Variants in OXCT1 observed in about 807,000 individuals in gnomAD.
OXCT1 encodes succinyl-CoA:3-ketoacid coenzyme A transferase 1, mitochondrial.
Under a neutral mutation model 69.6 loss-of-function variants are expected in OXCT1, and 27 were observed. The ratio of observed to expected loss-of-function variants is 0.39; its 90% CI spans 0.29 to 0.54. OXCT1 has a LOEUF of 0.54. Among genes scored for constraint, OXCT1 ranks in the 20% least tolerant of loss-of-function variants. The probability of loss-of-function intolerance (pLI) is 0.72; values close to 1 mark genes in which losing one functional copy is unlikely to be tolerated. For missense variants in OXCT1, 437 were observed against 650.2 expected (o/e 0.67, Z 3.57); for synonymous variants, 202 against 217.8 (o/e 0.93, Z 0.64).
intron 7 of OXCT1, among the ~76,000 whole-genome samples, chr5:41,813,478 C>T (rs1265462028): frequency 6.6e-6 from 1 of 151,978 alleles, no homozygotes; most frequent in African/African-American, 2.4e-5. Context: ...GGAATTATTC[C>T]ACAGACATCT....
intron 9 of OXCT1, among the ~76,000 whole-genome samples, chr5:41,803,935 C>T (rs942588700): frequency 1.3e-5 from 2 of 152,054 alleles, no homozygotes; most frequent in African/African-American, 4.8e-5. Context: ...GGAACTACTG[C>T]CCACTACTGT....
intron 9 of OXCT1, among the ~76,000 whole-genome samples, chr5:41,803,758 C>T (rs960079151): frequency 3.3e-5 from 5 of 151,926 alleles, no homozygotes; most frequent in South Asian, 2.1e-4. Flanking sequence ...TTGAGCTCAT[C>T]GATAAAGGAG....
At chr5:41,869,288 C>T (rs1750160297) in intron 1 of OXCT1, among the ~76,000 whole-genome samples, 1 of 152,184 alleles carries the variant, frequency 6.6e-6, no homozygotes, top group African/African-American at 2.4e-5. Context: ...GGAGTAAGCA[C>T]CGTGTGCATG....
chr5:41,824,223 C>T (rs1178591908), intron 7 of OXCT1, among the ~76,000 whole-genome samples: 1 of 152,154 alleles, frequency 6.6e-6, no homozygotes, highest in Non-Finnish European at 1.5e-5. Context: ...ATAAAATATA[C>T]ACAATAAAAC....
At chr5:41,830,268 G>A (rs951060180) in intron 7 of OXCT1, among the ~76,000 whole-genome samples, 4 of 152,158 alleles carry the variant, frequency 2.6e-5, no homozygotes, top group African/African-American at 9.7e-5. Flanking sequence ...GTATTCTGCC[G>A]AAGGACTAAG....
At chr5:41,767,312 T>G (rs1744653221) in intron 13 of OXCT1, among the ~76,000 whole-genome samples, 1 of 152,118 alleles carries the variant, frequency 6.6e-6, no homozygotes, top group Non-Finnish European at 1.5e-5. Flanking sequence ...ATTGATTATG[T>G]AAACCAACTA....
Position 41,870,188 on chromosome 5 carries a change from A to G in OXCT1, c.78+93T>C, listed in dbSNP as rs1178786569. The G allele has an allele frequency of 6.2e-6, 6 of 970,862 alleles. No individual in the cohort carries two copies. The highest frequency in any genetic ancestry group is 8.2e-6 in the Non-Finnish European group (5 of 609,292). The allele number at this position is 970,862 out of a possible 1,614,324, so 60.1% of individuals were successfully genotyped here. Reference sequence around the variant, plus strand: ...GGATGCCAGATCCCAGGCTGGAGAGAGCGGGTAGGGGCAGAGAAGAAAACG... The same window carrying G: ...GGATGCCAGATCCCAGGCTGGAGAGGGCGGGTAGGGGCAGAGAAGAAAACG... On this transcript the variant is annotated intron_variant, in intron 1 of 16. Coordinates refer to ENST00000196371, the MANE Select transcript of OXCT1 (RefSeq NM_000436.4). The surrounding 1 kb of genome is among the most constrained non-coding windows in gnomAD (Gnocchi z 4.2).
chr5:41,793,450 T>C (rs1202391014), intron 13 of OXCT1, among the ~76,000 whole-genome samples: 2 of 152,234 alleles, frequency 1.3e-5, no homozygotes, highest in Non-Finnish European at 2.9e-5. Context: ...CTTCCTTGAT[T>C]TAGGTCACTA....
intron 16 of OXCT1, among the ~76,000 whole-genome samples, chr5:41,732,976 AG>A: frequency 6.6e-6 from 1 of 152,318 alleles, no homozygotes; most frequent in Non-Finnish European, 1.5e-5. Context: ...GTCTACTAAA[AG>A]AATAAATAAG....
At chr5:41,833,537 A>AG (rs1748201899) in intron 7 of OXCT1, among the ~76,000 whole-genome samples, 1 of 151,796 alleles carries the variant, frequency 6.6e-6, no homozygotes, top group Non-Finnish European at 1.5e-5. Flanking sequence ...AAAAAAAAAA[A>AG]AAGAATGTTA....
At chr5:41,828,174 C>A (rs138589200) in intron 7 of OXCT1, among the ~76,000 whole-genome samples, 5 of 152,146 alleles carry the variant, frequency 3.3e-5, no homozygotes, top group Non-Finnish European at 7.3e-5. Context: ...CTGGCAAAAT[C>A]TCCTCTCACT....
chr5:41,829,038 A>T (rs1249899974), intron 7 of OXCT1, among the ~76,000 whole-genome samples: 1 of 152,194 alleles, frequency 6.6e-6, no homozygotes, highest in East Asian at 1.9e-4. Flanking sequence ...GTTCTATACA[A>T]CATGAATCAG....
chr5:41,838,439 A>AG (rs1268916139), intron 7 of OXCT1, among the ~76,000 whole-genome samples: 3 of 152,098 alleles, frequency 2.0e-5, no homozygotes, highest in South Asian at 2.1e-4. Context: ...TAGTCCAAAG[A>AG]GCTGTTTTGC....
At position 41,749,597 on chromosome 5, in the gene OXCT1, T is replaced by C. The variant is rs111814163; in HGVS notation, c.1349A>G (p.His450Arg). ...TMEHSAKGNA[H>R]KIMEKCTLPL... ...TAATGTACATTTCTCCATGATTTTA[T>C]GTGCATTTCCCTGTTTTAAAAAGAA... Residue 450 changes from histidine (H) to arginine (R), a missense_variant, in exon 15 of 17, where the codon CAT becomes CGT. His to Arg is a conservative substitution (Grantham distance 29). Coordinates refer to ENST00000196371, the MANE Select transcript of OXCT1 (RefSeq NM_000436.4). 6 of 1,603,666 alleles carry C rather than the reference T, an allele frequency of 3.7e-6. No individual in the cohort carries two copies. The East Asian group carries it at 1.1e-4, about 30-fold the overall frequency.
At chr5:41,764,768 G>GGGTA (rs1744515996) in intron 13 of OXCT1, among the ~76,000 whole-genome samples, 1 of 152,154 alleles carries the variant, frequency 6.6e-6, no homozygotes, top group Non-Finnish European at 1.5e-5. Context: ...CACTGAGGAT[G>GGGTA]CAACTGCTAA....
At chr5:41,840,796 A>G (rs560858937) in intron 6 of OXCT1, among the ~76,000 whole-genome samples, 135 of 152,350 alleles carry the variant, frequency 8.9e-4, no homozygotes, top group African/African-American at 3.2e-3. Flanking sequence ...AAAAAGGAAT[A>G]TTAATAAATC....
At chr5:41,745,727 G>A (rs1265154769) in intron 15 of OXCT1, among the ~76,000 whole-genome samples, 9 of 151,058 alleles carry the variant, frequency 6.0e-5, no homozygotes, top group African/African-American at 1.7e-4. Flanking sequence ...TATCACCACC[G>A]ATCCCACAGA....
At chr5:41,750,525 C>G (rs985818180) in intron 14 of OXCT1, among the ~76,000 whole-genome samples, 4 of 152,096 alleles carry the variant, frequency 2.6e-5, no homozygotes, top group Admixed American at 1.3e-4. Flanking sequence ...CTGATAGCTA[C>G]TCTAACATAT....
chr5:41,739,948 G>A (rs992859183), intron 15 of OXCT1, among the ~76,000 whole-genome samples: 1 of 151,760 alleles, frequency 6.6e-6, no homozygotes, highest in Non-Finnish European at 1.5e-5. Context: ...CTGTAACTAT[G>A]ATATTTTGGT....
Sources: gnomAD v4.1 joint callset for allele counts (sites outside exome capture counted in the v4.1 genomes callset) on GRCh38, gnomAD v4.1.1 for gene constraint, Gnocchi (gnomAD v3.1) non-coding constraint, MANE v1.5 for transcripts, NCBI Gene and HGNC (gene_info 2026-07-23, HGNC 2026-07-21) for gene names.